The following ADAMTS17 variants were observed in gnomAD, a reference collection of about 807,000 sequenced individuals.
ADAMTS17 encodes the protein A disintegrin and metalloproteinase with thrombospondin motifs 17.
A neutral mutation model predicts 141.5 loss-of-function variants in ADAMTS17; 113 were observed. That is an observed-to-expected ratio of 0.80 (90% CI 0.69 to 0.93). The LOEUF (loss-of-function observed/expected upper bound fraction) is 0.93. Ranked by LOEUF, ADAMTS17 falls within the 40% of genes least tolerant of loss-of-function variation. The pLI, the probability that ADAMTS17 is intolerant of heterozygous loss-of-function variation, is 0.00. For synonymous variants in ADAMTS17, 768 were observed against 630.6 expected (o/e 1.22, Z -3.27); for missense variants, 1,659 against 1,517.9 (o/e 1.09, Z -1.54).
At chr15:100,338,378 C>T (rs988514054) in intron 2 of ADAMTS17, among the ~76,000 whole-genome samples, 2 of 152,198 alleles carry the variant, frequency 1.3e-5, no homozygotes, top group Non-Finnish European at 2.9e-5. Flanking sequence ...GCCCCCAGCC[C>T]AGGCACTCAA....
intron 9 of ADAMTS17, among the ~76,000 whole-genome samples, chr15:100,154,502 A>G (rs116224554): frequency 0.012 from 1,864 of 152,264 alleles, 34 homozygotes; most frequent in African/African-American, 0.042. Context: ...GCTGTCTCCC[A>G]GGGTGCATGA....
In ADAMTS17 at chr15:99,997,348, C is replaced by T. The variant is rs1185146569; in HGVS notation, c.2796+37G>A. 1 of 1,611,996 alleles carries T rather than the reference C, an allele frequency of 6.2e-7. No individual in the cohort carries two copies. Among genetic ancestry groups the T allele is most frequent in the South Asian group, 1.1e-5 (1 of 91,052 alleles). ...ATACCATGGCACCGTGTTGGAGTCC[C>T]TGTGGCTGAGTCCTGGTGGCAAGCC... On this transcript the variant is annotated intron_variant, in intron 19 of 21. Coordinates refer to ENST00000268070, the MANE Select transcript of ADAMTS17 (RefSeq NM_139057.4). This position sits in a 1 kb window ranked among gnomAD's most constrained non-coding sequence, Gnocchi z 4.7.
chr15:100,183,516 ATTTC>A (rs1463563751), intron 8 of ADAMTS17, among the ~76,000 whole-genome samples: 3 of 152,072 alleles, frequency 2.0e-5, no homozygotes, highest in African/African-American at 7.3e-5. Flanking sequence ...TAAAATTTCA[ATTTC>A]TTTGATGAAA....
At chr15:100,279,724 T>C (rs2044220936) in intron 4 of ADAMTS17, among the ~76,000 whole-genome samples, 1 of 152,106 alleles carries the variant, frequency 6.6e-6, no homozygotes, top group African/African-American at 2.4e-5. Flanking sequence ...TCGCACCCCT[T>C]TCCCTCTACA....
chr15:100,197,479 A>G lies in ADAMTS17; in HGVS notation c.1181+1839T>C, dbSNP rs114564048. On this transcript the variant is annotated intron_variant, in intron 8 of 21. Coordinates refer to ENST00000268070, the MANE Select transcript of ADAMTS17 (RefSeq NM_139057.4). ...ATTCTGATTTATGCTTTTTTTCCCC[A>G]GCAAATCACTCTTGGATACAGGATT... Among the ~76,000 whole-genome samples the G allele has an allele frequency of 3.6e-3, 546 of 152,270 alleles. 3 individuals carry two copies. The highest frequency in any genetic ancestry group is 9.5e-3 in the African/African-American group (396 of 41,546).
intron 4 of ADAMTS17, among the ~76,000 whole-genome samples, chr15:100,265,399 A>G (rs1463142755): frequency 6.6e-6 from 1 of 152,236 alleles, no homozygotes; most frequent in Non-Finnish European, 1.5e-5. Context: ...GGGAGGGAAC[A>G]GCGCAGCCAA....
At chr15:100,080,562 C>T (rs1405154115) in intron 15 of ADAMTS17, among the ~76,000 whole-genome samples, 1 of 152,074 alleles carries the variant, frequency 6.6e-6, no homozygotes, top group African/African-American at 2.4e-5. Flanking sequence ...AAAAAACCCA[C>T]GTCTTGCTGA....
chr15:99,975,929 G>A, intron 21 of ADAMTS17, 116 bp downstream of exon 21: 4 of 1,159,978 alleles, frequency 3.4e-6, no homozygotes, highest in Non-Finnish European at 4.8e-6. Context: ...AGCCTTATGT[G>A]ACAAGTGAGG....
At chr15:100,202,398 T>C (rs547423105) in intron 7 of ADAMTS17, among the ~76,000 whole-genome samples, 1 of 152,324 alleles carries the variant, frequency 6.6e-6, no homozygotes, top group African/African-American at 2.4e-5. Flanking sequence ...TTTAATGATT[T>C]ATTCCAGTCG....
intron 12 of ADAMTS17, 36 bp downstream of exon 12, chr15:100,131,971 G>C: frequency 6.2e-7 from 1 of 1,613,928 alleles, no homozygotes; most frequent in Non-Finnish European, 8.5e-7. Flanking sequence ...AACTCCAATC[G>C]TGGCACGTTG....
chr15:99,987,038 T>C (rs558683417), intron 20 of ADAMTS17, among the ~76,000 whole-genome samples: 1 of 152,238 alleles, frequency 6.6e-6, no homozygotes, highest in Non-Finnish European at 1.5e-5. Context: ...AGAGAGGGGC[T>C]CCATCTTCCC....
chr15:100,201,320 G>C (rs973340641), intron 7 of ADAMTS17, among the ~76,000 whole-genome samples: 1 of 151,046 alleles, frequency 6.6e-6, no homozygotes, highest in African/African-American at 2.4e-5. Context: ...GGAGTGTTTG[G>C]TAGTTCTTCC....
intron 15 of ADAMTS17, among the ~76,000 whole-genome samples, chr15:100,059,780 G>T (rs1397079098): frequency 6.6e-6 from 1 of 152,192 alleles, no homozygotes; most frequent in Non-Finnish European, 1.5e-5. Context: ...GCAGAGTGGG[G>T]TCTGCAAAGG....
At chr15:100,305,622 C>T (rs1325153039) in intron 3 of ADAMTS17, among the ~76,000 whole-genome samples, 1 of 152,168 alleles carries the variant, frequency 6.6e-6, no homozygotes, top group Non-Finnish European at 1.5e-5. Context: ...TACACTTGCC[C>T]CAGAGACTGA....
intron 3 of ADAMTS17, chr15:100,306,360 G>A (rs945059918): frequency 3.2e-5 from 13 of 400,200 alleles, no homozygotes; most frequent in Middle Eastern, 3.8e-4. Context: ...CTGGGCTTGC[G>A]GGAACTCTTG....
At chr15:100,175,137 GAA>G (rs1440144609) in intron 8 of ADAMTS17, among the ~76,000 whole-genome samples, 1 of 152,132 alleles carries the variant, frequency 6.6e-6, no homozygotes, top group Non-Finnish European at 1.5e-5. Flanking sequence ...AGTGAAACAA[GAA>G]TCAGAAAAAG....
Position 100,155,436 on chromosome 15 carries a change from C to T in ADAMTS17, c.1182-116G>A, listed in dbSNP as rs889130451. The stretch of plus-strand genomic sequence containing the variant: ...GTCTTAAAAACAAAAACGGACGTAA[C>T]GTGAAAGTGGTTCTCACACAGCAGA... On this transcript the variant is annotated intron_variant, in intron 8 of 21. Transcript: ENST00000268070. The T allele has an allele frequency of 2.8e-5, 40 of 1,437,762 alleles. No individual in the cohort carries two copies. In the African/African-American group the frequency reaches 3.8e-4, roughly 14 times the overall value. The allele number at this position is 1,437,762 out of a possible 1,614,324, so 89.1% of individuals were successfully genotyped here. A position where few individuals can be genotyped will look rare whatever the true frequency, so the allele number is the denominator to read the frequency against.
chr15:100,169,590 T>C (rs2141461617), intron 8 of ADAMTS17, among the ~76,000 whole-genome samples: 1 of 152,282 alleles, frequency 6.6e-6, no homozygotes, highest in African/African-American at 2.4e-5. Context: ...AGCCCATGCA[T>C]TGAACCTCCA....
chr15:100,129,422 A>T (rs1030997629), intron 12 of ADAMTS17: 2 of 152,262 alleles, frequency 1.3e-5, no homozygotes, highest in Non-Finnish European at 2.9e-5. Context: ...AGATGAAAAG[A>T]CAAGTACCAG....
Sources: gnomAD v4.1 joint callset for allele counts (sites outside exome capture counted in the v4.1 genomes callset) on GRCh38, gnomAD v4.1.1 for gene constraint, Gnocchi (gnomAD v3.1) non-coding constraint, MANE v1.5 for transcripts, NCBI Gene and HGNC (gene_info 2026-07-23, HGNC 2026-07-21) for gene names.